Variants in FAM171A2 observed in about 807,000 individuals in gnomAD.
The protein encoded by FAM171A2 is protein FAM171A2.
Under a neutral mutation model 34.2 loss-of-function variants are expected in FAM171A2, and 13 were observed. The observed-to-expected ratio is 0.38, with a 90% CI of 0.25 to 0.60. FAM171A2 has a LOEUF of 0.60. FAM171A2 is among the 20% of genes least tolerant of loss of function. FAM171A2 has a pLI of 0.62. For missense variants in FAM171A2, 950 were observed against 1,180.7 expected (o/e 0.80, Z 2.86); for synonymous variants, 475 against 561.2 (o/e 0.85, Z 2.17).
rs2048401974 is a variant in FAM171A2, at chr17:44,353,649, C to G, written c.*84G>C. ...CTCCGGCCTGGGGCTGGGAGCTACG[C>G]GCGAGGGCCCCCGCGGGCCCCCGGG... On this transcript the variant is annotated 3_prime_UTR_variant, in exon 8 of 8. Transcript: ENST00000293443. 1 of 1,064,774 alleles carries G rather than the reference C, an allele frequency of 9.4e-7. No individual in the cohort carries two copies. Among genetic ancestry groups the G allele is most frequent in the Non-Finnish European group, 1.2e-6 (1 of 849,908 alleles). 66.0% of individuals were successfully genotyped at this position (1,064,774 alleles called of 1,614,324 possible). A position where few individuals can be genotyped will look rare whatever the true frequency, so the allele number is the denominator to read the frequency against.
rs756335732 is a variant in FAM171A2 at position 44,359,675 on chromosome 17, C to T, written c.347-4G>A. On this transcript the variant is annotated splice_region_variant and splice_polypyrimidine_tract_variant and intron_variant, in intron 2 of 7. Coordinates refer to ENST00000293443, the MANE Select transcript of FAM171A2 (RefSeq NM_198475.3). ...TAGAGGCTGACAGACGCATACACTG[C>T]GGGAGGGATGGCCGGTCAGCTCCAG... The T allele has an allele frequency of 5.8e-5, 90 of 1,549,896 alleles. 1 individual carries two copies. The highest frequency in any genetic ancestry group is 7.1e-5 in the South Asian group (6 of 84,038).
chr17:44,355,852 C>T lies in FAM171A2; in HGVS notation c.896-11G>A, dbSNP rs181986356. The T allele has an allele frequency of 2.2e-5, 34 of 1,551,436 alleles. No homozygotes were observed. Among genetic ancestry groups the T allele is most frequent in the South Asian group, 1.2e-5 (1 of 84,066 alleles). Reference sequence around the variant, plus strand: ...TGATGGTGACCAGCCCTGTGCCAGGCGAGGGCTTAGCGTTCAGGTGTAGAC... The same window carrying T: ...TGATGGTGACCAGCCCTGTGCCAGGTGAGGGCTTAGCGTTCAGGTGTAGAC... On this transcript the variant is annotated splice_polypyrimidine_tract_variant and intron_variant, in intron 6 of 7. Coordinates refer to ENST00000293443, the MANE Select transcript of FAM171A2 (RefSeq NM_198475.3). The surrounding 1 kb of genome is among the most constrained non-coding windows in gnomAD (Gnocchi z 4.1).
chr17:44,353,725 C>T lies in FAM171A2; in HGVS notation c.*8G>A. 2.2e-6 allele frequency: 3 copies of T among 1,388,742 alleles called. No individual in the cohort carries two copies. Among genetic ancestry groups the T allele is most frequent in the South Asian group, 1.5e-5 (1 of 68,636 alleles). 86.0% of individuals were successfully genotyped at this position (1,388,742 alleles called of 1,614,324 possible). On this transcript the variant is annotated 3_prime_UTR_variant, in exon 8 of 8. Coordinates refer to ENST00000293443, the MANE Select transcript of FAM171A2 (RefSeq NM_198475.3). Reference sequence around the variant, plus strand: ...GCGGGAGGGGCGGTGCCAGGCCCTGCGCGGGCGCTACTTGACGTTGAACAC... The same window carrying T: ...GCGGGAGGGGCGGTGCCAGGCCCTGTGCGGGCGCTACTTGACGTTGAACAC...
chr17:44,353,582 C>T lies in FAM171A2; in HGVS notation c.*151G>A, dbSNP rs562211189. On this transcript the variant is annotated 3_prime_UTR_variant, in exon 8 of 8. Transcript: ENST00000293443. ...CACAGGGTCCCTTGCAAGACACGAC[C>T]CAGCACCAACCACGGAACAGCTCCA... The T allele has an allele frequency of 1.9e-6, 1 of 533,808 alleles. No individual in the cohort carries two copies. The highest frequency in any genetic ancestry group is 4.8e-5 in the East Asian group (1 of 20,892). The allele number at this position is 533,808 out of a possible 1,614,324, so 33.1% of individuals were successfully genotyped here. A position where few individuals can be genotyped will look rare whatever the true frequency, so the allele number is the denominator to read the frequency against.
chr17:44,363,522 A>G, intron 1 of FAM171A2, 75 bp downstream of exon 1: 1 of 627,336 alleles, frequency 1.6e-6, no homozygotes, highest in Non-Finnish European at 2.3e-6. Flanking sequence ...AACGCCGCGA[A>G]GAGGGGGCTG....
chr17:44,359,426 A>C (rs2048438736), intron 3 of FAM171A2, 153 bp downstream of exon 3: 1 of 643,000 alleles, frequency 1.6e-6, no homozygotes, highest in Admixed American at 2.7e-5. Context: ...TGATGTAGGC[A>C]CTAACCTTCC....
chr17:44,357,112 C>T (rs1310497723), intron 3 of FAM171A2, among the ~76,000 whole-genome samples: 1 of 152,016 alleles, frequency 6.6e-6, no homozygotes, highest in Non-Finnish European at 1.5e-5. Flanking sequence ...CTTTGGGAAG[C>T]CAAGGTGGGT....
Position 44,354,706 on chromosome 17 carries a change from G to T in FAM171A2, c.1508C>A (p.Ser503Ter). Residue 503 changes from serine to a stop codon, truncating the protein, a stop_gained, in exon 8 of 8, where the codon TCG (serine) becomes TAG (stop). Transcript: ENST00000293443. LOFTEE classifies it low-confidence loss of function (END_TRUNC). This position sits in a 1 kb window ranked among gnomAD's most constrained non-coding sequence, Gnocchi z 5.8. ...GKTPDFLLSQ[S>*]VDQLARPPSL... ...CGGCGGCCGCGCCAGCTGGTCCACC[G>T]ACTGCGACAGCAGGAAGTCGGGGGT... 7.4e-7 allele frequency: 1 copy of T among 1,343,642 alleles called. No homozygotes were observed. The highest frequency in any genetic ancestry group is 3.6e-5 in the Admixed American group (1 of 27,622). 83.2% of individuals were successfully genotyped at this position (1,343,642 alleles called of 1,614,324 possible).
rs889818638 is a variant in FAM171A2, at chr17:44,354,429, C to T, written c.1785G>A (p.Glu595=). 903 of 1,137,098 alleles carry T rather than the reference C, an allele frequency of 7.9e-4. 1 individual carries two copies. The African/African-American group carries it at 0.014, about 18-fold the overall frequency. 70.4% of individuals were successfully genotyped at this position (1,137,098 alleles called of 1,614,324 possible). Reference sequence around the variant, plus strand: ...AGCCCTCGCCGCCGCCCCCGCCGCCCTCGCCCCCCGGGCCCGAGTGGCCCG... The same window carrying T: ...AGCCCTCGCCGCCGCCCCCGCCGCCTTCGCCCCCCGGGCCCGAGTGGCCCG... The part of the protein sequence containing the change: ...QMPGHSGPGG[E]GGGGGGEGWG... Residue 595 remains glutamate, a synonymous_variant, in exon 8 of 8, where the codon GAG becomes GAA. Coordinates refer to ENST00000293443, the MANE Select transcript of FAM171A2 (RefSeq NM_198475.3). This position sits in a 1 kb window ranked among gnomAD's most constrained non-coding sequence, Gnocchi z 5.8.
Position 44,355,187 on chromosome 17 carries a change from G to A in FAM171A2, c.1027C>T (p.Arg343Cys), listed in dbSNP as rs1411936463. 3.2e-6 allele frequency: 5 copies of A among 1,550,460 alleles called. No homozygotes were observed. Among genetic ancestry groups the A allele is most frequent in the Non-Finnish European group, 3.5e-6 (4 of 1,146,828 alleles). Residue 343 changes from arginine to cysteine, a missense_variant, in exon 8 of 8, where the codon CGC becomes TGC. Coordinates refer to ENST00000293443, the MANE Select transcript of FAM171A2 (RefSeq NM_198475.3). This position sits in a 1 kb window ranked among gnomAD's most constrained non-coding sequence, Gnocchi z 4.1. ...LCLLIYYCRR[R>C]CLKPRQQHRK... ...TGCTGTTGCCTCGGCTTCAGGCAGC[G>A]CCTCCTGGAAGGGAGGGAGCAGAAG...
At chr17:44,356,630 G>A (rs1373995166) in intron 3 of FAM171A2, 42 bp from the exon 4 acceptor site, 2 of 1,499,902 alleles carry the variant, frequency 1.3e-6, no homozygotes, top group African/African-American at 1.4e-5. Flanking sequence ...CCATGGACAG[G>A]GATCCCCAGG....
Position 44,355,909 on chromosome 17 carries a change from C to T in FAM171A2, c.895+49G>A. On this transcript the variant is annotated intron_variant, in intron 6 of 7. Transcript: ENST00000293443. The surrounding 1 kb of genome is among the most constrained non-coding windows in gnomAD (Gnocchi z 4.1). Reference sequence around the variant, plus strand: ...CCTGCCTTTCAGAAGTCTGCTCTCCCAGCTCCCCTCCTCCGCGGCCTCTAC... The same window carrying T: ...CCTGCCTTTCAGAAGTCTGCTCTCCTAGCTCCCCTCCTCCGCGGCCTCTAC... 1 of 1,546,434 alleles carries T rather than the reference C, an allele frequency of 6.5e-7. No homozygotes were observed. Among genetic ancestry groups the T allele is most frequent in the Non-Finnish European group, 8.7e-7 (1 of 1,143,542 alleles).
intron 3 of FAM171A2, among the ~76,000 whole-genome samples, chr17:44,357,410 A>G (rs1378945414): frequency 6.6e-6 from 1 of 151,482 alleles, no homozygotes; most frequent in East Asian, 1.9e-4. Context: ...GCACTTTGGG[A>G]TTCCAAGGCA....
chr17:44,359,685 G>A lies in FAM171A2; in HGVS notation c.347-14C>T, dbSNP rs1221411638. 1 of 1,548,428 alleles carries A rather than the reference G, an allele frequency of 6.5e-7. No homozygotes were observed. Among genetic ancestry groups the A allele is most frequent in the Non-Finnish European group, 8.7e-7 (1 of 1,145,680 alleles). On this transcript the variant is annotated splice_polypyrimidine_tract_variant and intron_variant, in intron 2 of 7. Transcript: ENST00000293443. Reference sequence around the variant, plus strand: ...CAGACGCATACACTGCGGGAGGGATGGCCGGTCAGCTCCAGGAAAACCCAC... The same window carrying A: ...CAGACGCATACACTGCGGGAGGGATAGCCGGTCAGCTCCAGGAAAACCCAC...
In FAM171A2 at chr17:44,356,547, C is replaced by T; in HGVS notation, c.481G>A (p.Ala161Thr). The change falls in exon 4 of 8, where the codon GCC becomes ACC. Residue 161 changes from alanine to threonine, a missense_variant. By Grantham distance (58) the Ala-to-Thr change is moderately conservative. Around this residue, in one of 3 missense-constraint regions of FAM171A2, gnomAD observed 752 missense variants for 924.5 expected, o/e 0.81. Coordinates refer to ENST00000293443, the MANE Select transcript of FAM171A2 (RefSeq NM_198475.3). ...QPLVQFQRRA[A>T]RLPVSSTYSQ... is the part of the protein sequence containing the mutation. ...TAGGTGGAGCTGACAGGCAGGCGGG[C>T]AGCCCGGCGCTGGAACTGCACCAAG... 1 of 1,547,766 alleles carries T rather than the reference C, an allele frequency of 6.5e-7. No individual in the cohort carries two copies. The highest frequency in any genetic ancestry group is 8.7e-7 in the Non-Finnish European group (1 of 1,146,254).
Position 44,355,963 on chromosome 17 carries a change from G to C in FAM171A2, c.890C>G (p.Thr297Arg). ...CACTGCCCCACTACTCTTACCAGCCGTGGGGGAGGCCATGGCGGCCACCCA... is the reference window on the plus strand; with the variant it reads ...CACTGCCCCACTACTCTTACCAGCCCTGGGGGAGGCCATGGCGGCCACCCA... ...GYWVAAMASP[T>R]AGLVTITSGI... Residue 297 changes from threonine (T) to arginine (R), a missense_variant, in exon 6 of 8, where the codon ACG becomes AGG. Physicochemically the swap from Thr to Arg is moderately conservative, Grantham distance 71. Around this residue, in one of 3 missense-constraint regions of FAM171A2, gnomAD observed 752 missense variants for 924.5 expected, o/e 0.81. Transcript: ENST00000293443. This position sits in a 1 kb window ranked among gnomAD's most constrained non-coding sequence, Gnocchi z 4.1. 1 of 1,540,934 alleles carries C rather than the reference G, an allele frequency of 6.5e-7. No homozygotes were observed. The highest frequency in any genetic ancestry group is 8.8e-7 in the Non-Finnish European group (1 of 1,140,960).
At position 44,354,733 on chromosome 17, in the gene FAM171A2, T is replaced by C; in HGVS notation, c.1481A>G (p.Lys494Arg). 1 of 1,321,166 alleles carries C rather than the reference T, an allele frequency of 7.6e-7. No individual in the cohort carries two copies. Among genetic ancestry groups the C allele is most frequent in the Non-Finnish European group, 9.7e-7 (1 of 1,033,744 alleles). The allele number at this position is 1,321,166 out of a possible 1,614,324, so 81.8% of individuals were successfully genotyped here. A position where few individuals can be genotyped will look rare whatever the true frequency, so the allele number is the denominator to read the frequency against. The change falls in exon 8 of 8, where the codon AAG (lysine) becomes AGG (arginine). Residue 494 changes from lysine to arginine, a missense_variant. Lys to Arg is a conservative substitution (Grantham distance 26, BLOSUM62 2). Coordinates refer to ENST00000293443, the MANE Select transcript of FAM171A2 (RefSeq NM_198475.3). The surrounding 1 kb of genome is among the most constrained non-coding windows in gnomAD (Gnocchi z 5.8). The stretch of plus-strand genomic sequence containing the variant: ...CTGCGACAGCAGGAAGTCGGGGGTC[T>C]TGCCCTCGGCCGCCCCCTTGTGGCC... The part of the protein sequence containing the change: ...YLGHKGAAEG[K>R]TPDFLLSQSV...
rs2048402016 is a variant in FAM171A2, at chr17:44,353,650, G to T, written c.*83C>A. On this transcript the variant is annotated 3_prime_UTR_variant, in exon 8 of 8. Coordinates refer to ENST00000293443, the MANE Select transcript of FAM171A2 (RefSeq NM_198475.3). Reference sequence around the variant, plus strand: ...TCCGGCCTGGGGCTGGGAGCTACGCGCGAGGGCCCCCGCGGGCCCCCGGGG... The same window carrying T: ...TCCGGCCTGGGGCTGGGAGCTACGCTCGAGGGCCCCCGCGGGCCCCCGGGG... 1.9e-6 allele frequency: 2 copies of T among 1,063,992 alleles called. No individual in the cohort carries two copies. The highest frequency in any genetic ancestry group is 2.4e-6 in the Non-Finnish European group (2 of 849,106). 65.9% of individuals were successfully genotyped at this position (1,063,992 alleles called of 1,614,324 possible). A position where few individuals can be genotyped will look rare whatever the true frequency, so the allele number is the denominator to read the frequency against.
intron 1 of FAM171A2, among the ~76,000 whole-genome samples, chr17:44,360,415 G>A (rs368814178): frequency 1.3e-5 from 2 of 152,196 alleles, no homozygotes; most frequent in Non-Finnish European, 2.9e-5. Context: ...TGATGCCATC[G>A]TTATAACTGG....
Sources: gnomAD v4.1 joint callset for allele counts (sites outside exome capture counted in the v4.1 genomes callset) on GRCh38, gnomAD v4.1.1 for gene constraint, gnomAD v4.1.1 regional missense constraint, Gnocchi (gnomAD v3.1) non-coding constraint, MANE v1.5 for transcripts, NCBI Gene and HGNC (gene_info 2026-07-23, HGNC 2026-07-21) for gene names.